Variants in CATSPERD observed in about 807,000 individuals in gnomAD.
CATSPERD encodes cation channel sperm-associated auxiliary subunit delta.
Under a neutral mutation model 98.1 loss-of-function variants are expected in CATSPERD, and 86 were observed. The ratio of observed to expected loss-of-function variants is 0.88; its 90% CI spans 0.74 to 1.05. The LOEUF is 1.05. CATSPERD is among the 50% of genes least tolerant of loss of function. The pLI is 0.00. For synonymous variants in CATSPERD, 394 were observed against 390.2 expected (o/e 1.01, Z -0.12); for missense variants, 995 against 1,005.7 (o/e 0.99, Z 0.14).
chr19:5,769,058 G>A (rs571337324), intron 18 of CATSPERD, among the ~76,000 whole-genome samples: 1 of 151,980 alleles, frequency 6.6e-6, no homozygotes, highest in South Asian at 2.1e-4. Context: ...GGAGGCTGAG[G>A]CAGGAGAGTT....
intron 12 of CATSPERD, 88 bp downstream of exon 12, chr19:5,751,911 C>G: frequency 1.3e-5 from 16 of 1,268,518 alleles, no homozygotes; most frequent in Non-Finnish European, 1.7e-5. Context: ...GCCTGTAGCC[C>G]CAGTTGCTCA....
At position 5,778,523 on chromosome 19, in the gene CATSPERD, C is replaced by A; in HGVS notation, c.2244C>A (p.Arg748=). 3.1e-6 allele frequency: 5 copies of A among 1,614,022 alleles called. No individual in the cohort carries two copies. The highest frequency in any genetic ancestry group is 4.2e-6 in the Non-Finnish European group (5 of 1,180,036). ...CCTACAAGACCCCCAAGCTGCTACG[C>A]ACAGCACGCGGCCGCAGGATCAAGA... ...WLAYKTPKLL[R]TARGRRIKKC... is the part of the protein sequence containing the mutation. Residue 748 remains arginine, a synonymous_variant, in exon 22 of 22, where the codon CGC becomes CGA. Transcript: ENST00000381624.
chr19:5,775,525 TGTA>T (rs1034443397), intron 20 of CATSPERD, among the ~76,000 whole-genome samples: 1 of 150,292 alleles, frequency 6.7e-6, no homozygotes, highest in Non-Finnish European at 1.5e-5. Flanking sequence ...GGCGGGCACC[TGTA>T]GTCCCAGCTA....
In CATSPERD at chr19:5,778,575, T is replaced by C; in HGVS notation, c.2296T>C (p.Cys766Arg). 2.5e-6 allele frequency: 4 copies of C among 1,613,774 alleles called. No homozygotes were observed. The highest frequency in any genetic ancestry group is 3.4e-6 in the Non-Finnish European group (4 of 1,180,006). The change falls in exon 22 of 22, where the codon TGC becomes CGC. Residue 766 changes from cysteine (C) to arginine (R), a missense_variant. Physicochemically the swap from Cys to Arg is radical, Grantham distance 180. Around this residue, in one of 3 missense-constraint regions of CATSPERD, gnomAD observed 762 missense variants for 773.7 expected, o/e 0.98. Coordinates refer to ENST00000381624, the MANE Select transcript of CATSPERD (RefSeq NM_152784.4). ...KKCATQLCRR[C>R]KTVCQFRASA... ...GTGTGCGACACAGCTGTGTAGGAGATGCAAGACGGTCTGCCAGTTCAGGGC... is the reference window on the plus strand; with the variant it reads ...GTGTGCGACACAGCTGTGTAGGAGACGCAAGACGGTCTGCCAGTTCAGGGC...
In CATSPERD at chr19:5,749,125, C is replaced by T. The variant is rs763677508; in HGVS notation, c.929C>T (p.Thr310Ile). ...GCTGAAAATGAACTGGCAGTTATAA[C>T]TCGGGAGGATAATTTGTATTATGGC... The part of the protein sequence containing the change: ...AVTENELAVI[T>I]REDNLYYGNL... Residue 310 changes from threonine (T) to isoleucine (I), a missense_variant, in exon 11 of 22, where the codon ACT (threonine) becomes ATT (isoleucine). Physicochemically the swap from Thr to Ile is moderately conservative, Grantham distance 89. Around this residue, in one of 3 missense-constraint regions of CATSPERD, gnomAD observed 762 missense variants for 773.7 expected, o/e 0.98. Coordinates refer to ENST00000381624, the MANE Select transcript of CATSPERD (RefSeq NM_152784.4). 2.5e-6 allele frequency: 4 copies of T among 1,612,100 alleles called. No individual in the cohort carries two copies. The highest frequency in any genetic ancestry group is 4.5e-5 in the East Asian group (2 of 44,756).
chr19:5,775,282 C>A (rs903994134), intron 20 of CATSPERD: 1 of 471,162 alleles, frequency 2.1e-6, no homozygotes, highest in Non-Finnish European at 4.4e-6. Flanking sequence ...GAGAGCTCCC[C>A]GCTTCTAGTG....
intron 6 of CATSPERD, among the ~76,000 whole-genome samples, chr19:5,738,657 C>T (rs969229924): frequency 3.3e-5 from 5 of 152,176 alleles, no homozygotes; most frequent in African/African-American, 1.2e-4. Context: ...AATCTCGGCT[C>T]ATTGCAACCT....
chr19:5,739,310 T>TTTC lies in CATSPERD; in HGVS notation c.460-14_460-13insCTT. ...GCATCTTTCTTTCATTCTTTCTTTC[T>TTTC]TTTTTTTTTTTATAGCATGTCAGTA... On this transcript the variant is annotated splice_polypyrimidine_tract_variant and intron_variant, in intron 6 of 21. Coordinates refer to ENST00000381624, the MANE Select transcript of CATSPERD (RefSeq NM_152784.4). 5.4e-6 allele frequency: 2 copies of TTTC among 371,528 alleles called. No homozygotes were observed. Among genetic ancestry groups the TTTC allele is most frequent in the Non-Finnish European group, 8.4e-6 (2 of 239,504 alleles). The allele number at this position is 371,528 out of a possible 1,614,324, so 23.0% of individuals were successfully genotyped here.
At chr19:5,729,025 T>C (rs1005187295) in intron 3 of CATSPERD, among the ~76,000 whole-genome samples, 1 of 151,030 alleles carries the variant, frequency 6.6e-6, no homozygotes, top group Non-Finnish European at 1.5e-5. Flanking sequence ...TCTCTCTTTT[T>C]TAAAGGCTAT....
rs1345206852 is a variant in CATSPERD at position 5,748,741 on chromosome 19, T to TTTA, written c.905-358_905-357insATT. Among the ~76,000 whole-genome samples, 10 of 143,428 alleles carry TTTA rather than the reference T, an allele frequency of 7.0e-5. No individual in the cohort carries two copies. The East Asian group carries it at 1.8e-3, about 26-fold the overall frequency. 94.1% of individuals were successfully genotyped at this position (143,428 alleles called of 152,430 possible). A position where few individuals can be genotyped will look rare whatever the true frequency, so the allele number is the denominator to read the frequency against. ...TGTCATATTATTCTTTTTTTTTTTTTTTTTTTTGAGATGGAGTTTCAATCT... is the reference window on the plus strand; with the variant it reads ...TGTCATATTATTCTTTTTTTTTTTTTTTATTTTTTTGAGATGGAGTTTCAATCT... On this transcript the variant is annotated intron_variant, in intron 10 of 21. Transcript: ENST00000381624.
At chr19:5,728,404 A>T (rs905478628) in intron 3 of CATSPERD, among the ~76,000 whole-genome samples, 1 of 151,320 alleles carries the variant, frequency 6.6e-6, no homozygotes, top group Non-Finnish European at 1.5e-5. Flanking sequence ...AGAAAAAGAA[A>T]ATTAGCTGGG....
At chr19:5,739,754 C>T (rs2055920066) in intron 7 of CATSPERD, among the ~76,000 whole-genome samples, 1 of 150,074 alleles carries the variant, frequency 6.7e-6, no homozygotes, top group Non-Finnish European at 1.5e-5. Flanking sequence ...GTGGGAGGGT[C>T]ACTGGAGTCT....
chr19:5,761,658 AGAGAGAGAGAGAGAGAAT>A (rs2056437401), intron 15 of CATSPERD, among the ~76,000 whole-genome samples: 1 of 12,826 alleles, frequency 7.8e-5, no homozygotes, highest in South Asian at 2.1e-3. Context: ...GCGGCAGAAG[AGAGAGAGAGAGAGAGAAT>A]GAGAGAGAGA....
intron 7 of CATSPERD, 30 bp from the exon 8 acceptor site, chr19:5,744,397 C>A: frequency 1.9e-6 from 3 of 1,551,082 alleles, no homozygotes; most frequent in Non-Finnish European, 2.7e-6. Context: ...AAGATTTATT[C>A]ATCTGAAGTC....
chr19:5,724,650 G>T (rs1304639040), intron 1 of CATSPERD, among the ~76,000 whole-genome samples, 158 bp from the exon 2 acceptor site: 1 of 152,182 alleles, frequency 6.6e-6, no homozygotes, highest in Non-Finnish European at 1.5e-5. Flanking sequence ...AGTGAGCCAA[G>T]ATCTTGCCAC....
At position 5,720,741 on chromosome 19, in the gene CATSPERD, C is replaced by T; in HGVS notation, c.4C>T (p.Leu2=). The change falls in exon 1 of 22, where the codon CTG becomes TTG. Residue 2 remains leucine, a synonymous_variant. Coordinates refer to ENST00000381624, the MANE Select transcript of CATSPERD (RefSeq NM_152784.4). Reference sequence around the variant, plus strand: ...GTGGCGGCGGAAGCCCAAGTCGATGCTGATGTTGATGCTGGTGGCGGCTGT... The same window carrying T: ...GTGGCGGCGGAAGCCCAAGTCGATGTTGATGTTGATGCTGGTGGCGGCTGT... The part of the protein sequence containing the change: M[L]MLMLVAAVTM... 1 of 1,606,846 alleles carries T rather than the reference C, an allele frequency of 6.2e-7. No individual in the cohort carries two copies. The highest frequency in any genetic ancestry group is 8.5e-7 in the Non-Finnish European group (1 of 1,179,726).
At chr19:5,763,138 T>G (rs894917825) in intron 15 of CATSPERD, 77 bp from the exon 16 acceptor site, 11 of 1,078,548 alleles carry the variant, frequency 1.0e-5, no homozygotes, top group Non-Finnish European at 1.4e-5. Flanking sequence ...CTGAATGGAC[T>G]GAAGGATGAA....
chr19:5,765,531 G>T (rs2056522002), intron 16 of CATSPERD, among the ~76,000 whole-genome samples: 1 of 151,998 alleles, frequency 6.6e-6, no homozygotes, highest in Admixed American at 6.6e-5. Flanking sequence ...TTAGTTCTGG[G>T]CCTGGCATGG....
intron 7 of CATSPERD, among the ~76,000 whole-genome samples, chr19:5,743,654 C>T (rs140690042): frequency 0.028 from 4,138 of 145,250 alleles, 88 homozygotes; most frequent in Non-Finnish European, 0.037. Context: ...CTCTGTCTCT[C>T]TCTCTCTCTC....
Sources: gnomAD v4.1 joint callset for allele counts (sites outside exome capture counted in the v4.1 genomes callset) on GRCh38, gnomAD v4.1.1 for gene constraint, gnomAD v4.1.1 regional missense constraint, MANE v1.5 for transcripts, NCBI Gene and HGNC (gene_info 2026-07-23, HGNC 2026-07-21) for gene names.